MBNL2: variants seen among roughly 807,000 people sequenced by gnomAD.
MBNL2 encodes the protein muscleblind like splicing regulator 2, also known as muscleblind-like protein 2.
A neutral mutation model predicts 41.9 loss-of-function variants in MBNL2; 17 were observed. That is an observed-to-expected ratio of 0.41 (90% CI 0.28 to 0.61). MBNL2 has a LOEUF of 0.61. MBNL2 is among the 20% of genes least tolerant of loss of function. The pLI is 0.35. For missense variants in MBNL2, 336 were observed against 505.6 expected (o/e 0.66, Z 3.22); for synonymous variants, 195 against 182.9 (o/e 1.07, Z -0.53).
chr13:97,195,245 G>T, the MBNL2 span, among the ~76,000 whole-genome samples: 1 of 152,070 alleles, frequency 6.6e-6, no homozygotes, highest in Non-Finnish European at 1.5e-5. Context: ...TTGTTCTCGA[G>T]AACTCAGGCA....
chr13:97,236,528 G>A (rs957380461), intron 1 of MBNL2, among the ~76,000 whole-genome samples: 1 of 123,614 alleles, frequency 8.1e-6, no homozygotes, highest in Admixed American at 8.1e-5. Context: ...TTTTTTTTTT[G>A]TCTTTAATAA....
chr13:97,175,199 C>G, the MBNL2 span, among the ~76,000 whole-genome samples: 2 of 152,126 alleles, frequency 1.3e-5, no homozygotes, highest in Admixed American at 1.3e-4. Flanking sequence ...ACACTGCAAT[C>G]GTGGGCTCTT....
At chr13:97,311,964 G>T (rs1214221606) in intron 2 of MBNL2, among the ~76,000 whole-genome samples, 1 of 152,094 alleles carries the variant, frequency 6.6e-6, no homozygotes, top group Non-Finnish European at 1.5e-5. Context: ...TTTGAATGAA[G>T]GAAAAGAGCT....
At chr13:97,287,277 A>C (rs1022954404) in intron 2 of MBNL2, among the ~76,000 whole-genome samples, 1 of 152,192 alleles carries the variant, frequency 6.6e-6, no homozygotes, top group African/African-American at 2.4e-5. Flanking sequence ...ATCGTTCCCA[A>C]AAACTTGGCC....
chr13:97,185,321 C>A, the MBNL2 span, among the ~76,000 whole-genome samples: 1 of 152,116 alleles, frequency 6.6e-6, no homozygotes, highest in Non-Finnish European at 1.5e-5. Flanking sequence ...ATCTGAAATA[C>A]CTTGGAATGA....
chr13:97,156,806 G>A, the MBNL2 span, among the ~76,000 whole-genome samples: 5 of 152,144 alleles, frequency 3.3e-5, no homozygotes, highest in African/African-American at 7.2e-5. Context: ...TAGCCTTGTA[G>A]TATAGTTTGA....
intron 1 of MBNL2, among the ~76,000 whole-genome samples, chr13:97,270,400 T>C (rs1034105418): frequency 1.3e-5 from 2 of 152,216 alleles, no homozygotes; most frequent in Non-Finnish European, 2.9e-5. Flanking sequence ...GTGTGTATTT[T>C]CTACTTGGAG....
At chr13:97,181,442 T>C in the MBNL2 span, among the ~76,000 whole-genome samples, 229 of 152,204 alleles carry the variant, frequency 1.5e-3, 1 homozygote, top group African/African-American at 4.7e-3. Flanking sequence ...CCTAATCTGA[T>C]AGAATCAAAC....
rs2060669101 is a variant in MBNL2 at position 97,334,126 on chromosome 13, A to T, written c.175-150A>T. On this transcript the variant is annotated intron_variant, in intron 2 of 8. Coordinates refer to ENST00000679496, the MANE Select transcript of MBNL2 (RefSeq NM_001382683.1). This position sits in a 1 kb window ranked among gnomAD's most constrained non-coding sequence, Gnocchi z 5.3. ...TTTGATTCACTTTTCCCCAACAAAC[A>T]CATGAGCATGCGCGCGCACACCCAC... The T allele has an allele frequency of 2.1e-6, 1 of 487,042 alleles. No homozygotes were observed. Among genetic ancestry groups the T allele is most frequent in the Non-Finnish European group, 3.6e-6 (1 of 279,042 alleles). The allele number at this position is 487,042 out of a possible 1,614,324, so 30.2% of individuals were successfully genotyped here. A position where few individuals can be genotyped will look rare whatever the true frequency, so the allele number is the denominator to read the frequency against.
chr13:97,243,739 G>A (rs368170292), intron 1 of MBNL2, among the ~76,000 whole-genome samples: 1 of 152,022 alleles, frequency 6.6e-6, no homozygotes, highest in Non-Finnish European at 1.5e-5. Context: ...CCTTGGAGGG[G>A]GAAAAAACAA....
intron 1 of MBNL2, among the ~76,000 whole-genome samples, chr13:97,241,966 C>T (rs2044370086): frequency 6.6e-6 from 1 of 152,154 alleles, no homozygotes; most frequent in Non-Finnish European, 1.5e-5. Context: ...GAAATGAGCT[C>T]TTATTGTGTG....
In MBNL2 at chr13:97,319,191, G is replaced by A. The variant is rs189682338; in HGVS notation, c.175-15085G>A. ...CTTGGAGGCAAAAAGAGAAGCCTGC[G>A]GGACCCTGTAGCATAAGACGTGGGA... is the stretch of plus-strand genomic sequence containing the variant. On this transcript the variant is annotated intron_variant, in intron 2 of 8. Coordinates refer to ENST00000679496, the MANE Select transcript of MBNL2 (RefSeq NM_001382683.1). 1.8e-3 allele frequency among the ~76,000 whole-genome samples: 271 copies of A among 152,128 alleles called. 1 individual carries two copies. The highest frequency in any genetic ancestry group is 6.3e-3 in the African/African-American group (260 of 41,522).
chr13:97,160,780 T>C, the MBNL2 span, among the ~76,000 whole-genome samples: 2 of 152,124 alleles, frequency 1.3e-5, no homozygotes, highest in African/African-American at 4.8e-5. Context: ...AGCCAGAGAG[T>C]TGTTGATTTT....
At chr13:97,156,948 G>A in the MBNL2 span, among the ~76,000 whole-genome samples, 1 of 151,756 alleles carries the variant, frequency 6.6e-6, no homozygotes, top group Non-Finnish European at 1.5e-5. Context: ...TTGGTAGCTT[G>A]ATGGGGATGG....
intron 7 of MBNL2, 61 bp from the exon 8 acceptor site, chr13:97,365,075 A>C: frequency 2.8e-6 from 3 of 1,071,974 alleles, no homozygotes; most frequent in Non-Finnish European, 4.4e-6. Context: ...GTTAACTCTA[A>C]ACCGCTAACC....
chr13:97,217,717 T>C (rs969612402), upstream of MBNL2, among the ~76,000 whole-genome samples: 2 of 152,166 alleles, frequency 1.3e-5, no homozygotes, highest in Non-Finnish European at 2.9e-5. Flanking sequence ...GGGACTTCTC[T>C]GGAAGATAAT....
chr13:97,150,500 A>T, the MBNL2 span, among the ~76,000 whole-genome samples: 1 of 152,220 alleles, frequency 6.6e-6, no homozygotes, highest in Admixed American at 6.5e-5. Flanking sequence ...ATAAGAGTAA[A>T]ATTTCAGGAA....
chr13:97,354,611 G>A (rs2062821920), intron 5 of MBNL2, among the ~76,000 whole-genome samples: 1 of 152,198 alleles, frequency 6.6e-6, no homozygotes, highest in African/African-American at 2.4e-5. Flanking sequence ...TGGAAATTAA[G>A]TTTCATCACA....
chr13:97,310,578 C>T (rs935551860), intron 2 of MBNL2, among the ~76,000 whole-genome samples: 29 of 151,728 alleles, frequency 1.9e-4, no homozygotes, highest in Admixed American at 8.5e-4. Flanking sequence ...TACAGGCACC[C>T]GCCACCATGC....
Sources: allele counts gnomAD v4.1 joint callset (sites outside exome capture counted in the v4.1 genomes callset), GRCh38; gene constraint gnomAD v4.1.1; non-coding constraint Gnocchi (gnomAD v3.1); transcripts MANE v1.5; gene names NCBI Gene and HGNC (gene_info 2026-07-23, HGNC 2026-07-21).